The following CNTNAP2 variants were observed in gnomAD, a reference collection of about 807,000 sequenced individuals.
CNTNAP2 encodes the protein contactin-associated protein-like 2.
Under a neutral mutation model 155.2 loss-of-function variants are expected in CNTNAP2, and 98 were observed. The ratio of observed to expected loss-of-function variants is 0.63; its 90% CI spans 0.54 to 0.75. CNTNAP2 has a LOEUF of 0.75. Ranked by LOEUF, CNTNAP2 falls within the 30% of genes least tolerant of loss-of-function variation. The pLI, the probability that CNTNAP2 is intolerant of heterozygous loss-of-function variation, is 0.00. For synonymous variants in CNTNAP2, 651 were observed against 631.2 expected (o/e 1.03, Z -0.47); for missense variants, 1,727 against 1,688.1 (o/e 1.02, Z -0.40).
intron 12 of CNTNAP2, among the ~76,000 whole-genome samples, chr7:147,567,886 G>T (rs1404258874): frequency 6.6e-6 from 1 of 152,082 alleles, no homozygotes. Context: ...AGGAGTTGGA[G>T]ACCAGCCTGA....
rs547554722 is a variant in CNTNAP2, at chr7:146,840,604, G to A, written c.402+700G>A. 2.6e-5 allele frequency among the ~76,000 whole-genome samples: 4 copies of A among 152,144 alleles called. No homozygotes were observed. In the South Asian group the frequency reaches 8.3e-4, roughly 32 times the overall value. On this transcript the variant is annotated intron_variant, in intron 3 of 23. Transcript: ENST00000361727. ...TAAACCAGAAGAAGAAGAAGAAAAA[G>A]AAGATGAGGAGGAGGAAAGGGAGAG...
intron 3 of CNTNAP2, among the ~76,000 whole-genome samples, chr7:147,013,710 G>T (rs1441582815): frequency 2.7e-5 from 4 of 149,726 alleles, no homozygotes; most frequent in Middle Eastern, 3.4e-3. Context: ...AATCATCATT[G>T]TCTTGTGACA....
chr7:146,420,976 AT>A (rs1449876910), intron 1 of CNTNAP2, among the ~76,000 whole-genome samples: 1 of 152,072 alleles, frequency 6.6e-6, no homozygotes, highest in East Asian at 1.9e-4. Flanking sequence ...ATGATAACAT[AT>A]CCACTTTACT....
chr7:148,284,867 A>G (rs1330495762), intron 21 of CNTNAP2, among the ~76,000 whole-genome samples: 1 of 152,198 alleles, frequency 6.6e-6, no homozygotes, highest in Non-Finnish European at 1.5e-5. Flanking sequence ...AGAAAAACAC[A>G]ATGAAATGGT....
chr7:148,285,869 C>T (rs75251541), intron 21 of CNTNAP2, among the ~76,000 whole-genome samples: 22,185 of 152,186 alleles, frequency 0.15, 2,084 homozygotes, highest in African/African-American at 0.26. Context: ...ATTTTGCATA[C>T]AACTTTTGGC....
chr7:146,443,095 T>C (rs1796349112), intron 1 of CNTNAP2, among the ~76,000 whole-genome samples: 1 of 151,386 alleles, frequency 6.6e-6, no homozygotes, highest in African/African-American at 2.4e-5. Flanking sequence ...GCGACTGTAG[T>C]CCCAGCTACT....
At chr7:147,230,447 G>A (rs572489472) in intron 8 of CNTNAP2, among the ~76,000 whole-genome samples, 2 of 152,128 alleles carry the variant, frequency 1.3e-5, no homozygotes, top group South Asian at 2.1e-4. Flanking sequence ...TAGTAGAGAC[G>A]GGGTTTTGCC....
intron 1 of CNTNAP2, among the ~76,000 whole-genome samples, chr7:146,570,017 A>G (rs1049067066): frequency 6.6e-6 from 1 of 152,218 alleles, no homozygotes; most frequent in East Asian, 1.9e-4. Flanking sequence ...AAGACAGATG[A>G]AGGTGTGCAA....
chr7:147,910,719 A>G (rs1464261389), intron 14 of CNTNAP2, among the ~76,000 whole-genome samples: 1 of 152,080 alleles, frequency 6.6e-6, no homozygotes, highest in African/African-American at 2.4e-5. Flanking sequence ...CATTTATAAA[A>G]CCATCAGATC....
chr7:147,885,260 T>C (rs1287480877), intron 13 of CNTNAP2, among the ~76,000 whole-genome samples: 1 of 152,226 alleles, frequency 6.6e-6, no homozygotes. Context: ...CTTATTTGTC[T>C]CCCTTGTCCT....
chr7:147,417,515 A>G (rs1437081257), intron 10 of CNTNAP2, among the ~76,000 whole-genome samples: 2 of 152,226 alleles, frequency 1.3e-5, no homozygotes, highest in East Asian at 3.8e-4. Context: ...ATTGGGTTTC[A>G]ATATATGAAT....
Position 146,514,382 on chromosome 7 carries a change from C to G in CNTNAP2, c.98-259889C>G, listed in dbSNP as rs1229376624. Among the ~76,000 whole-genome samples the G allele has an allele frequency of 2.0e-5, 3 of 152,014 alleles. No homozygotes were observed. In the East Asian group the frequency reaches 5.8e-4, roughly 29 times the overall value. ...GACTCTTACATTTGCTCTTTAAAGGCTATTCTCTAGATCTCATAGGCGTTC... is the reference window on the plus strand; with the variant it reads ...GACTCTTACATTTGCTCTTTAAAGGGTATTCTCTAGATCTCATAGGCGTTC... On this transcript the variant is annotated intron_variant, in intron 1 of 23. Transcript: ENST00000361727.
In CNTNAP2 at chr7:147,541,317, T is replaced by C. The variant is rs374692066; in HGVS notation, c.1778-20821T>C. On this transcript the variant is annotated intron_variant, in intron 11 of 23. Coordinates refer to ENST00000361727, the MANE Select transcript of CNTNAP2 (RefSeq NM_014141.6). ...CATAGCCTTCTGTTACTTTAATTGC[T>C]CTAAGCCTCACTTTCCTCCTTTGAA... 1.4e-4 allele frequency among the ~76,000 whole-genome samples: 22 copies of C among 152,318 alleles called. No individual in the cohort carries two copies. The East Asian group carries it at 2.9e-3, about 20-fold the overall frequency.
intron 13 of CNTNAP2, among the ~76,000 whole-genome samples, chr7:147,687,032 T>A (rs148878924): frequency 6.6e-6 from 1 of 152,080 alleles, no homozygotes; most frequent in Non-Finnish European, 1.5e-5. Flanking sequence ...GTTACTAGTA[T>A]AAATAAAAGA....
In CNTNAP2 at chr7:147,629,113, G is replaced by A. The variant is rs183099057; in HGVS notation, c.1898-9993G>A. Among the ~76,000 whole-genome samples the A allele has an allele frequency of 3.2e-3, 489 of 152,080 alleles. 6 individuals carry two copies. The highest frequency in any genetic ancestry group is 0.011 in the African/African-American group (440 of 41,490). ...GACGAGAAGTCAACAAAGAAATAAC[G>A]GACATAGGCCGACCGCTGTGGTTCA... On this transcript the variant is annotated intron_variant, in intron 12 of 23. Transcript: ENST00000361727.
At chr7:146,256,110 G>T (rs777231450) in intron 1 of CNTNAP2, among the ~76,000 whole-genome samples, 21 of 152,214 alleles carry the variant, frequency 1.4e-4, no homozygotes, top group Middle Eastern at 3.2e-3. Context: ...CATGCATAAA[G>T]TGTGTTGGGG....
At chr7:147,320,148 T>C (rs1430929585) in intron 9 of CNTNAP2, among the ~76,000 whole-genome samples, 2 of 152,158 alleles carry the variant, frequency 1.3e-5, no homozygotes, top group Non-Finnish European at 2.9e-5. Flanking sequence ...TCACTCTTGG[T>C]CAAGATGTCT....
chr7:146,987,056 TAAC>T (rs1162743577), intron 3 of CNTNAP2, among the ~76,000 whole-genome samples: 1 of 152,154 alleles, frequency 6.6e-6, no homozygotes, highest in Non-Finnish European at 1.5e-5. Context: ...GTTAAGTTCT[TAAC>T]AAAGAACCTG....
intron 21 of CNTNAP2, among the ~76,000 whole-genome samples, chr7:148,325,804 TC>T (rs1422443661): frequency 2.0e-5 from 3 of 152,138 alleles, no homozygotes; most frequent in Admixed American, 6.5e-5. Flanking sequence ...TTTTCAGGCA[TC>T]TACCCTCCTC....
Sources: gnomAD v4.1 joint callset for allele counts (sites outside exome capture counted in the v4.1 genomes callset) on GRCh38, gnomAD v4.1.1 for gene constraint, MANE v1.5 for transcripts, NCBI Gene and HGNC (gene_info 2026-07-23, HGNC 2026-07-21) for gene names.